Variants in PCDH15 observed in about 807,000 individuals in gnomAD.
PCDH15 encodes the protein protocadherin-15.
PCDH15 carries 129 observed loss-of-function variants against 178.5 expected under a neutral mutation model. That is an observed-to-expected ratio of 0.72 (90% confidence interval 0.63 to 0.84). PCDH15 has a LOEUF of 0.84. Ranked by LOEUF, PCDH15 falls within the 40% of genes least tolerant of loss-of-function variation. The probability of loss-of-function intolerance (pLI) is 0.00; values close to 1 mark genes in which losing one functional copy is unlikely to be tolerated. For missense variants in PCDH15, 2,230 were observed against 2,099.9 expected, an observed-to-expected ratio of 1.06 and a Z score of -1.21; for synonymous variants, 800 against 732.0, an observed-to-expected ratio of 1.09 and a Z score of -1.50.
chr10:54,709,736 T>G (rs1278049850), intron 1 of PCDH15, among the ~76,000 whole-genome samples: 9 of 148,204 alleles, frequency 6.1e-5, no homozygotes, highest in African/African-American at 2.2e-4. Context: ...AAAATATATA[T>G]ATTCATAAAT....
intron 7 of PCDH15, among the ~76,000 whole-genome samples, chr10:54,318,366 C>A (rs1311272337): frequency 1.3e-5 from 2 of 152,178 alleles, no homozygotes; most frequent in Non-Finnish European, 2.9e-5. Context: ...TGTTTAACAG[C>A]TCTCCAGCCA....
chr10:54,362,744 C>T (rs1038238483), intron 5 of PCDH15, among the ~76,000 whole-genome samples: 63 of 151,672 alleles, frequency 4.2e-4, no homozygotes, highest in African/African-American at 1.4e-3. Context: ...TTAGTATTTC[C>T]GGGACATGAA....
At chr10:53,910,740 C>T (rs912019517) in intron 25 of PCDH15, among the ~76,000 whole-genome samples, 3 of 151,968 alleles carry the variant, frequency 2.0e-5, no homozygotes, top group Admixed American at 1.3e-4. Flanking sequence ...ATGTTTGAAG[C>T]CATCACAAGG....
chr10:54,712,700 T>C (rs1261660852), intron 1 of PCDH15, among the ~76,000 whole-genome samples: 1 of 151,944 alleles, frequency 6.6e-6, no homozygotes, highest in Non-Finnish European at 1.5e-5. Flanking sequence ...TAAACTAGAA[T>C]TGGAGGCTAC....
At chr10:54,231,585 C>A (rs2054080504) in intron 9 of PCDH15, among the ~76,000 whole-genome samples, 1 of 152,182 alleles carries the variant, frequency 6.6e-6, no homozygotes. Context: ...AATGGTAGAT[C>A]CACTGACAGC....
chr10:54,888,964 C>T (rs1478891951), intron 3 of PCDH15, among the ~76,000 whole-genome samples: 3 of 151,388 alleles, frequency 2.0e-5, no homozygotes, highest in African/African-American at 4.8e-5. Context: ...TGTTCTATCT[C>T]GTTAAATGTT....
At chr10:55,161,868 C>A (rs1050078173) in intron 2 of PCDH15, among the ~76,000 whole-genome samples, 13 of 152,082 alleles carry the variant, frequency 8.5e-5, no homozygotes, top group African/African-American at 3.1e-4. Flanking sequence ...AAGTAATTGC[C>A]TCATCTGTTA....
rs112376270 is a variant in PCDH15 at position 53,929,962 on chromosome 10, A to G, written c.3373+8853T>C. Reference sequence around the variant, plus strand: ...TTGCATGTTACTGCTTTTGCTCTACATAAAAGAATGGGAATGACTCTGTGG... The same window carrying G: ...TTGCATGTTACTGCTTTTGCTCTACGTAAAAGAATGGGAATGACTCTGTGG... On this transcript the variant is annotated intron_variant, in intron 25 of 37. Transcript: ENST00000644397. Among the ~76,000 whole-genome samples, 813 of 152,252 alleles carry G rather than the reference A, an allele frequency of 5.3e-3. 9 individuals carry two copies. The highest frequency in any genetic ancestry group is 0.018 in the African/African-American group (759 of 41,546).
intron 2 of PCDH15, among the ~76,000 whole-genome samples, chr10:55,374,918 C>T (rs1845584353): frequency 6.6e-6 from 1 of 151,730 alleles, no homozygotes; most frequent in African/African-American, 2.4e-5. Context: ...AGAAAGGAAA[C>T]TCTATAAAAT....
At chr10:53,951,484 T>C (rs1044891105) in intron 23 of PCDH15, among the ~76,000 whole-genome samples, 14 of 152,212 alleles carry the variant, frequency 9.2e-5, no homozygotes, top group African/African-American at 3.4e-4. Flanking sequence ...AATGATCACA[T>C]GGGGCATGCA....
At chr10:54,227,928 C>T (rs1190876822) in intron 9 of PCDH15, among the ~76,000 whole-genome samples, 1 of 152,176 alleles carries the variant, frequency 6.6e-6, no homozygotes, top group Non-Finnish European at 1.5e-5. Context: ...CTATCTGAGA[C>T]CACCTCAGCC....
intron 30 of PCDH15, among the ~76,000 whole-genome samples, chr10:53,830,402 ATTGT>A (rs2076949353): frequency 6.6e-6 from 1 of 151,574 alleles, no homozygotes; most frequent in Non-Finnish European, 1.5e-5. Flanking sequence ...ATTATTTCTT[ATTGT>A]TTATTACATA....
intron 3 of PCDH15, among the ~76,000 whole-genome samples, chr10:54,854,135 A>C (rs1159171389): frequency 6.6e-6 from 1 of 152,178 alleles, no homozygotes; most frequent in African/African-American, 2.4e-5. Flanking sequence ...TGATGCTAAC[A>C]TAGGCACTGA....
intron 2 of PCDH15, among the ~76,000 whole-genome samples, chr10:55,328,182 T>A (rs1362827796): frequency 2.0e-5 from 3 of 151,612 alleles, no homozygotes; most frequent in Non-Finnish European, 4.4e-5. Context: ...TATATACACA[T>A]ACACACATAC....
At chr10:54,311,483 A>AT (rs1178969727) in intron 8 of PCDH15, among the ~76,000 whole-genome samples, 2 of 152,180 alleles carry the variant, frequency 1.3e-5, no homozygotes, top group Non-Finnish European at 2.9e-5. Context: ...TCATAATACC[A>AT]GAAAACCTTA....
chr10:54,503,264 T>TGTGTGTGTGTGTGAGAGA (rs35648214), intron 3 of PCDH15, among the ~76,000 whole-genome samples: 3 of 137,378 alleles, frequency 2.2e-5, no homozygotes, highest in African/African-American at 8.2e-5. Context: ...TGTGTGTGTG[T>TGTGTGTGTGTGTGAGAGA]GATTATATAT....
chr10:55,002,688 T>C (rs1487845471), intron 2 of PCDH15, among the ~76,000 whole-genome samples: 1 of 57,216 alleles, frequency 1.7e-5, no homozygotes, highest in East Asian at 7.3e-4. Flanking sequence ...TTCAAGAGAC[T>C]CAGGGCCAGA....
At chr10:55,250,337 G>A (rs1048480231) in intron 1 of PCDH15, among the ~76,000 whole-genome samples, 4 of 151,468 alleles carry the variant, frequency 2.6e-5, no homozygotes, top group Admixed American at 6.6e-5. Flanking sequence ...TGTGGAGATA[G>A]GGTCTCACTT....
At chr10:55,517,444 A>G (rs962772361) in intron 2 of PCDH15, among the ~76,000 whole-genome samples, 3 of 152,134 alleles carry the variant, frequency 2.0e-5, no homozygotes, top group Non-Finnish European at 4.4e-5. Context: ...CAAAGTCAAA[A>G]TGTGGATGCC....
Sources: allele counts gnomAD v4.1 joint callset (sites outside exome capture counted in the v4.1 genomes callset), GRCh38; gene constraint gnomAD v4.1.1; transcripts MANE v1.5; gene names NCBI Gene and HGNC (gene_info 2026-07-23, HGNC 2026-07-21).